Variants in GPC5 observed in about 807,000 individuals in gnomAD.
GPC5 encodes the protein glypican-5.
Under a neutral mutation model 53.9 loss-of-function variants are expected in GPC5, and 47 were observed. That is an observed-to-expected ratio of 0.87 (90% confidence interval 0.69 to 1.11). GPC5 has a LOEUF of 1.11. Among genes scored for constraint, GPC5 ranks in the 50% most tolerant of loss-of-function variants. The pLI is 0.00. For synonymous variants in GPC5, 286 were observed against 263.3 expected, an observed-to-expected ratio of 1.09 and a Z score of -0.84; for missense variants, 748 against 713.1, an observed-to-expected ratio of 1.05 and a Z score of -0.56.
At chr13:92,843,462 A>C (rs1878500168) in intron 7 of GPC5, among the ~76,000 whole-genome samples, 1 of 152,168 alleles carries the variant, frequency 6.6e-6, no homozygotes, top group Admixed American at 6.6e-5. Context: ...AAACACTTAT[A>C]AACTACATGG....
At chr13:92,120,921 T>C (rs2041643993) in intron 6 of GPC5, among the ~76,000 whole-genome samples, 1 of 152,210 alleles carries the variant, frequency 6.6e-6, no homozygotes, top group South Asian at 2.1e-4. Flanking sequence ...CTTGAAATTA[T>C]TGTGGTAATA....
chr13:91,611,351 C>CT (rs1035837332), intron 2 of GPC5, among the ~76,000 whole-genome samples: 3 of 152,170 alleles, frequency 2.0e-5, no homozygotes, highest in Admixed American at 6.5e-5. Context: ...AAGGTCATGA[C>CT]TTTAAGTGAT....
At chr13:92,749,140 TAGTGGATTTTTA>T (rs1480595373) in intron 7 of GPC5, among the ~76,000 whole-genome samples, 1 of 152,188 alleles carries the variant, frequency 6.6e-6, no homozygotes, top group Non-Finnish European at 1.5e-5. Context: ...TTAATGTACT[TAGTGGATTTTTA>T]AGTGTCACCA....
chr13:91,920,090 A>G (rs974331118), intron 6 of GPC5, among the ~76,000 whole-genome samples: 4 of 152,190 alleles, frequency 2.6e-5, no homozygotes, highest in Admixed American at 2.6e-4. Flanking sequence ...CTGCACATTA[A>G]AGGACAATAT....
intron 6 of GPC5, among the ~76,000 whole-genome samples, chr13:91,986,005 G>GTAC: frequency 6.7e-6 from 1 of 149,020 alleles, no homozygotes; most frequent in African/African-American, 2.5e-5. Flanking sequence ...TACTACACTA[G>GTAC]TAGTCAAAAA....
At chr13:92,531,814 TATA>T (rs1290055084) in intron 7 of GPC5, among the ~76,000 whole-genome samples, 6 of 152,208 alleles carry the variant, frequency 3.9e-5, no homozygotes, top group Non-Finnish European at 7.4e-5. Context: ...ACCATTTTTA[TATA>T]ATGTTTTTGT....
chr13:91,939,361 C>A (rs995009880), intron 6 of GPC5, among the ~76,000 whole-genome samples: 1 of 152,106 alleles, frequency 6.6e-6, no homozygotes, highest in African/African-American at 2.4e-5. Flanking sequence ...AGTAGTTTTA[C>A]TTACTCTGAG....
At chr13:91,633,182 T>C (rs1213187958) in intron 2 of GPC5, among the ~76,000 whole-genome samples, 2 of 152,162 alleles carry the variant, frequency 1.3e-5, no homozygotes, top group African/African-American at 2.4e-5. Flanking sequence ...ATGAATTTCC[T>C]CCTTCAGTGT....
At chr13:92,463,712 TC>T (rs1467597178) in intron 7 of GPC5, among the ~76,000 whole-genome samples, 5 of 152,198 alleles carry the variant, frequency 3.3e-5, no homozygotes, top group Admixed American at 2.6e-4. Flanking sequence ...TTTACATTTT[TC>T]TTCACTTATA....
At chr13:91,411,355 A>G (rs558339827) in intron 1 of GPC5, among the ~76,000 whole-genome samples, 1 of 152,304 alleles carries the variant, frequency 6.6e-6, no homozygotes, top group Non-Finnish European at 1.5e-5. Context: ...AGTCCCCTAT[A>G]TTGGAGATAA....
At chr13:92,801,490 T>A (rs1752640408) in intron 7 of GPC5, among the ~76,000 whole-genome samples, 1 of 151,824 alleles carries the variant, frequency 6.6e-6, no homozygotes, top group Non-Finnish European at 1.5e-5. Flanking sequence ...AATGACTATA[T>A]TACTGATTTG....
At chr13:91,817,462 T>C (rs1175207303) in intron 5 of GPC5, among the ~76,000 whole-genome samples, 2 of 151,938 alleles carry the variant, frequency 1.3e-5, no homozygotes, top group Non-Finnish European at 2.9e-5. Context: ...AATAAAATGA[T>C]AATTAAGTAT....
chr13:91,637,719 C>T (rs2034318546), intron 2 of GPC5, among the ~76,000 whole-genome samples: 1 of 152,136 alleles, frequency 6.6e-6, no homozygotes, highest in South Asian at 2.1e-4. Context: ...TGGTACAAAA[C>T]AGTATTGGCC....
intron 2 of GPC5, among the ~76,000 whole-genome samples, chr13:91,593,146 C>T (rs2032866194): frequency 6.6e-6 from 1 of 152,178 alleles, no homozygotes; most frequent in Admixed American, 6.5e-5. Flanking sequence ...GGTGAGCAGC[C>T]CCACATTTCC....
At chr13:92,428,239 T>C (rs1250314315) in intron 7 of GPC5, among the ~76,000 whole-genome samples, 1 of 152,180 alleles carries the variant, frequency 6.6e-6, no homozygotes, top group Non-Finnish European at 1.5e-5. Flanking sequence ...AAGACTCTCC[T>C]GTCTTGGATG....
At chr13:92,581,567 T>A (rs545290857) in intron 7 of GPC5, among the ~76,000 whole-genome samples, 3 of 152,140 alleles carry the variant, frequency 2.0e-5, no homozygotes, top group African/African-American at 7.2e-5. Flanking sequence ...CAATTTCATA[T>A]CCTTTAGAAA....
chr13:91,750,166 G>A (rs1594518724), intron 4 of GPC5, among the ~76,000 whole-genome samples: 1 of 152,134 alleles, frequency 6.6e-6, no homozygotes, highest in South Asian at 2.1e-4. Flanking sequence ...TGGAGGCACA[G>A]GGAACAAATG....
chr13:91,921,789 AAG>A (rs1398848088), intron 6 of GPC5, among the ~76,000 whole-genome samples: 4,825 of 25,458 alleles, frequency 0.19, 267 homozygotes, highest in African/African-American at 0.44. Context: ...AAAAAAAAAA[AAG>A]AAAGAAAGAA....
intron 2 of GPC5, among the ~76,000 whole-genome samples, chr13:91,597,913 A>G (rs2033050340): frequency 1.2e-5 from 1 of 82,968 alleles, no homozygotes. Context: ...AATGTTTTCT[A>G]TTGAGTTTGT....
Sources: gnomAD v4.1 joint callset for allele counts (sites outside exome capture counted in the v4.1 genomes callset) on GRCh38, gnomAD v4.1.1 for gene constraint, MANE v1.5 for transcripts, NCBI Gene and HGNC (gene_info 2026-07-23, HGNC 2026-07-21) for gene names.